Variants in SLC9C2 observed in about 807,000 individuals in gnomAD.
SLC9C2 encodes sodium/hydrogen exchanger 11.
A neutral mutation model predicts 140.2 loss-of-function variants in SLC9C2; 75 were observed. The observed-to-expected ratio is 0.53, with a 90% CI of 0.44 to 0.65. The LOEUF (loss-of-function observed/expected upper bound fraction) is 0.65. Ranked by LOEUF, SLC9C2 falls within the 30% of genes least tolerant of loss-of-function variation. SLC9C2 has a pLI of 0.00. For missense variants in SLC9C2, 1,074 were observed against 1,331.8 expected (o/e 0.81, Z 3.01); for synonymous variants, 375 against 420.9 (o/e 0.89, Z 1.34).
chr1:173,573,611 A>G (rs1282342815), intron 8 of SLC9C2, among the ~76,000 whole-genome samples: 1 of 152,150 alleles, frequency 6.6e-6, no homozygotes, highest in Non-Finnish European at 1.5e-5. Context: ...ATGATTTATC[A>G]ATTTCTCTGG....
chr1:173,581,916 C>G lies in SLC9C2; in HGVS notation c.733G>C (p.Asp245His). 6.2e-7 allele frequency: 1 copy of G among 1,607,508 alleles called. No homozygotes were observed. The highest frequency in any genetic ancestry group is 8.5e-7 in the Non-Finnish European group (1 of 1,175,784). ...CAKIIQCILA[D>H]VFSNMLTNII... ...TTAGTCAGCATATTGCTAAAAACGT[C>G]AGCCAATATACACTGAATGATTTTT... The change falls in exon 7 of 28, where the codon GAC becomes CAC. Residue 245 changes from aspartate to histidine, a missense_variant. Coordinates refer to ENST00000367714, the MANE Select transcript of SLC9C2 (RefSeq NM_178527.4).
intron 9 of SLC9C2, among the ~76,000 whole-genome samples, chr1:173,561,842 T>TACACAC (rs1337862525): frequency 7.5e-6 from 1 of 133,952 alleles, no homozygotes; most frequent in Non-Finnish European, 1.5e-5. Context: ...TCACATAAGA[T>TACACAC]ACACACACAC....
Position 173,583,614 on chromosome 1 carries a change from T to G in SLC9C2, c.532A>C (p.Lys178Gln). 1.3e-6 allele frequency: 2 copies of G among 1,513,714 alleles called. No homozygotes were observed. The highest frequency in any genetic ancestry group is 1.8e-6 in the Non-Finnish European group (2 of 1,114,094). 93.8% of individuals were successfully genotyped at this position (1,513,714 alleles called of 1,614,324 possible). The change falls in exon 6 of 28, where the codon AAA (lysine) becomes CAA (glutamine). Residue 178 changes from lysine (K) to glutamine (Q), a missense_variant. Physicochemically the swap from Lys to Gln is moderately conservative, Grantham distance 53. Transcript: ENST00000367714. ...CCTCTAATGAGATCAATGTATATTTTAGAAATGCCTGAAAAAGGAAATACA... is the reference window on the plus strand; with the variant it reads ...CCTCTAATGAGATCAATGTATATTTGAGAAATGCCTGAAAAAGGAAATACA... ...VNSLKTIGIS[K>Q]IYIDLIRGES...
rs759585796 is a variant in SLC9C2, at chr1:173,554,719, GAC to G, written c.1297+12_1297+13del. On this transcript the variant is annotated intron_variant, in intron 11 of 27. Coordinates refer to ENST00000367714, the MANE Select transcript of SLC9C2 (RefSeq NM_178527.4). ...TTCTCCCCAGCTAATTCATGAATGA[GAC>G]ACATACTTTACCTAACTTCCTGGCT... 5.8e-6 allele frequency: 9 copies of G among 1,546,748 alleles called. No individual in the cohort carries two copies. In the Admixed American group the frequency reaches 1.5e-4, roughly 26 times the overall value.
At chr1:173,512,119 T>G (rs1660097861) in intron 23 of SLC9C2, among the ~76,000 whole-genome samples, 1 of 152,230 alleles carries the variant, frequency 6.6e-6, no homozygotes, top group African/African-American at 2.4e-5. Context: ...TGCTTACGAT[T>G]GTCTTGTCTA....
At chr1:173,529,824 A>G in intron 18 of SLC9C2, 81 bp downstream of exon 18, 1 of 1,474,744 alleles carries the variant, frequency 6.8e-7, no homozygotes. Context: ...TGTTTCGTCA[A>G]ACACACATAG....
At chr1:173,520,228 C>A (rs150595072) in intron 22 of SLC9C2, among the ~76,000 whole-genome samples, 5 of 152,054 alleles carry the variant, frequency 3.3e-5, no homozygotes, top group African/African-American at 9.7e-5. Flanking sequence ...CCACCATGCC[C>A]GGCTAATTTG....
intron 13 of SLC9C2, among the ~76,000 whole-genome samples, chr1:173,541,858 C>G (rs1273519308): frequency 6.6e-6 from 1 of 152,174 alleles, no homozygotes; most frequent in African/African-American, 2.4e-5. Context: ...ACATTTAAAG[C>G]AGTGTGTAGA....
chr1:173,560,723 G>A (rs1664049487), intron 9 of SLC9C2, among the ~76,000 whole-genome samples: 1 of 152,168 alleles, frequency 6.6e-6, no homozygotes, highest in Non-Finnish European at 1.5e-5. Flanking sequence ...AGCAGGCTTT[G>A]CACAGAACCC....
At chr1:173,578,891 C>A (rs1665347977) in intron 7 of SLC9C2, among the ~76,000 whole-genome samples, 1 of 152,240 alleles carries the variant, frequency 6.6e-6, no homozygotes, top group Admixed American at 6.5e-5. Context: ...CAAAGGTCCT[C>A]TTTCTAAATA....
At chr1:173,502,963 C>T (rs1336589337) in intron 27 of SLC9C2, among the ~76,000 whole-genome samples, 3 of 152,116 alleles carry the variant, frequency 2.0e-5, no homozygotes, top group East Asian at 1.9e-4. Flanking sequence ...AGTGTCTACA[C>T]GTGTGCATGA....
chr1:173,544,826 G>T (rs1662721974), intron 13 of SLC9C2, among the ~76,000 whole-genome samples: 1 of 152,130 alleles, frequency 6.6e-6, no homozygotes, highest in African/African-American at 2.4e-5. Flanking sequence ...TTGGACACAG[G>T]GCGGGGAACA....
chr1:173,544,413 G>C (rs1267419349), intron 13 of SLC9C2, among the ~76,000 whole-genome samples: 3 of 152,188 alleles, frequency 2.0e-5, no homozygotes, highest in Non-Finnish European at 4.4e-5. Flanking sequence ...GTTGGTGGGA[G>C]TGTAAACTAG....
chr1:173,517,812 ATC>A, intron 22 of SLC9C2, 108 bp from the exon 23 acceptor site: 1 of 934,022 alleles, frequency 1.1e-6, no homozygotes, highest in Non-Finnish European at 1.5e-6. Flanking sequence ...GAAGGGAAAG[ATC>A]TCCTGTCAGG....
intron 27 of SLC9C2, among the ~76,000 whole-genome samples, chr1:173,502,841 G>A (rs1456441727): frequency 6.6e-6 from 1 of 152,086 alleles, no homozygotes; most frequent in Non-Finnish European, 1.5e-5. Flanking sequence ...AGTAAAACTG[G>A]TACTCTAGGA....
chr1:173,562,800 A>T lies in SLC9C2; in HGVS notation c.1047-5292T>A, dbSNP rs532585928. Among the ~76,000 whole-genome samples the T allele has an allele frequency of 5.3e-5, 8 of 152,342 alleles. No homozygotes were observed. In the South Asian group the frequency reaches 1.0e-3, roughly 20 times the overall value. ...ATTCTTACAGTTATTTAGTCATTCA[A>T]CAAATATATATAAAAATTTTATTCC... On this transcript the variant is annotated intron_variant, in intron 9 of 27. Transcript: ENST00000367714.
At chr1:173,540,987 T>C (rs1662354813) in intron 13 of SLC9C2, among the ~76,000 whole-genome samples, 1 of 152,126 alleles carries the variant, frequency 6.6e-6, no homozygotes, top group Non-Finnish European at 1.5e-5. Flanking sequence ...AATGACAGGA[T>C]CAAATTCACA....
At chr1:173,524,633 T>A in intron 20 of SLC9C2, 146 bp downstream of exon 20, 1 of 842,960 alleles carries the variant, frequency 1.2e-6, no homozygotes, top group Non-Finnish European at 1.8e-6. Context: ...TCGGCATTCG[T>A]TGTCCTTTGC....
intron 23 of SLC9C2, among the ~76,000 whole-genome samples, chr1:173,513,288 G>C (rs1334663099): frequency 6.7e-6 from 1 of 150,306 alleles, no homozygotes; most frequent in South Asian, 2.1e-4. Context: ...GAATCTATCT[G>C]GTCCTGGGCT....
Sources: allele counts gnomAD v4.1 joint callset (sites outside exome capture counted in the v4.1 genomes callset), GRCh38; gene constraint gnomAD v4.1.1; transcripts MANE v1.5; gene names NCBI Gene and HGNC (gene_info 2026-07-23, HGNC 2026-07-21).